Variants in CNPY1 observed in about 807,000 individuals in gnomAD.
CNPY1 encodes the protein canopy FGF signaling regulator 1.
CNPY1 carries 14 observed loss-of-function variants against 14.4 expected under a neutral mutation model. The observed-to-expected ratio is 0.97, with a 90% CI of 0.64 to 1.52. The LOEUF (loss-of-function observed/expected upper bound fraction) is 1.52, where lower values mean the gene tolerates loss of function less well. Ranked by LOEUF, CNPY1 falls within the 40% of genes most tolerant of loss-of-function variation. CNPY1 has a pLI of 0.00. For synonymous variants in CNPY1, 43 were observed against 46.5 expected, an observed-to-expected ratio of 0.92 and a Z score of 0.31; for missense variants, 129 against 131.5, an observed-to-expected ratio of 0.98 and a Z score of 0.09.
chr7:155,533,879 C>T (rs1413521187), intron 2 of CNPY1: 1 of 152,204 alleles, frequency 6.6e-6, no homozygotes, highest in Non-Finnish European at 1.5e-5. Context: ...AATCTCTTTC[C>T]CTTTTAATTT....
At chr7:155,504,635 C>T (rs566275209) in intron 4 of CNPY1, among the ~76,000 whole-genome samples, 4 of 151,708 alleles carry the variant, frequency 2.6e-5, no homozygotes, top group African/African-American at 9.7e-5. Flanking sequence ...GAGCGTTGCA[C>T]GTAGTATACA....
At chr7:155,543,916 G>A (rs889955) in intron 2 of CNPY1, among the ~76,000 whole-genome samples, 110,139 of 152,160 alleles carry the variant, frequency 0.72, 40,023 homozygotes, top group Middle Eastern at 0.81. Context: ...GCTGCTTTCA[G>A]TTGCTTTGCA....
rs750783721 is a variant in CNPY1 at position 155,527,608 on chromosome 7, A to ATT, written c.99+18221_99+18222dup. On this transcript the variant is annotated intron_variant, in intron 2 of 4. Transcript: ENST00000636446. ...AAGTACACGCCACCACACCCTGCTA[A>ATT]TTTTTTTTTTTTTTTGTATTTTTTG... Among the ~76,000 whole-genome samples the ATT allele has an allele frequency of 7.0e-3, 949 of 135,718 alleles. 9 individuals carry two copies. The highest frequency in any genetic ancestry group is 0.024 in the African/African-American group (886 of 36,822). 89.0% of individuals were successfully genotyped at this position (135,718 alleles called of 152,430 possible).
intron 2 of CNPY1, among the ~76,000 whole-genome samples, chr7:155,525,646 C>T (rs929112998): frequency 6.6e-6 from 1 of 152,228 alleles, no homozygotes; most frequent in Non-Finnish European, 1.5e-5. Context: ...CCCAACAGGG[C>T]TTAGTGTACT....
chr7:155,531,214 G>A (rs555247976), intron 2 of CNPY1, among the ~76,000 whole-genome samples: 102 of 152,250 alleles, frequency 6.7e-4, no homozygotes, highest in South Asian at 3.7e-3. Flanking sequence ...TGCTGCAAAC[G>A]GTGTGACCAC....
At chr7:155,503,184 A>G in intron 4 of CNPY1, 79 bp from the exon 5 acceptor site, 2 of 1,138,974 alleles carry the variant, frequency 1.8e-6, no homozygotes, top group Non-Finnish European at 2.5e-6. Flanking sequence ...TTATGCAAAA[A>G]CTATGTTCTG....
At chr7:155,540,391 A>T (rs1278086759) in intron 2 of CNPY1, among the ~76,000 whole-genome samples, 2 of 152,256 alleles carry the variant, frequency 1.3e-5, no homozygotes, top group Non-Finnish European at 2.9e-5. Flanking sequence ...AAATTAAATT[A>T]ATACTAATTT....
rs918502732 is a variant in CNPY1, at chr7:155,502,784, T to C, written c.*284A>G. ...TGTTTATGAAATGTCTTCGCTTTTT[T>C]CCTCAATACAGAATTAAATCCTCTA... On this transcript the variant is annotated 3_prime_UTR_variant, in exon 5 of 5. Coordinates refer to ENST00000636446, the MANE Select transcript of CNPY1 (RefSeq NM_001393663.1). The C allele has an allele frequency of 1.7e-5, 7 of 420,490 alleles. No individual in the cohort carries two copies. The highest frequency in any genetic ancestry group is 1.4e-4 in the African/African-American group (7 of 50,046). 26.0% of individuals were successfully genotyped at this position (420,490 alleles called of 1,614,324 possible).
intron 2 of CNPY1, among the ~76,000 whole-genome samples, chr7:155,509,997 C>T (rs987769531): frequency 1.3e-5 from 2 of 152,158 alleles, no homozygotes; most frequent in African/African-American, 4.8e-5. Flanking sequence ...GGCGCCGGAC[C>T]GCGCCGCAGC....
rs1200831255 is a variant in CNPY1, at chr7:155,514,685, G to A, written c.100-5588C>T. ...CGAGATGGGTGGATCACCTGAGGTTGGGAGTTCAAGACCAGCCTGACCAAC... is the reference window on the plus strand; with the variant it reads ...CGAGATGGGTGGATCACCTGAGGTTAGGAGTTCAAGACCAGCCTGACCAAC... On this transcript the variant is annotated intron_variant, in intron 2 of 4. Transcript: ENST00000636446. 2.0e-5 allele frequency among the ~76,000 whole-genome samples: 3 copies of A among 152,082 alleles called. No individual in the cohort carries two copies. In the South Asian group the frequency reaches 6.2e-4, roughly 31 times the overall value.
chr7:155,515,742 C>T (rs1025291728), intron 2 of CNPY1, among the ~76,000 whole-genome samples: 8 of 152,146 alleles, frequency 5.3e-5, no homozygotes, highest in African/African-American at 1.9e-4. Flanking sequence ...TGAGGCTTCT[C>T]TGCAGCAGGG....
intron 4 of CNPY1, chr7:155,506,751 C>G: frequency 2.6e-6 from 1 of 388,230 alleles, no homozygotes; most frequent in South Asian, 2.8e-5. Context: ...CAAGAATTTT[C>G]TCCTTAACTG....
chr7:155,542,965 G>T (rs914322626), intron 2 of CNPY1, among the ~76,000 whole-genome samples: 3 of 151,846 alleles, frequency 2.0e-5, no homozygotes, highest in Middle Eastern at 3.4e-3. Context: ...CACTGGGTCC[G>T]CACAGTGCCG....
intron 2 of CNPY1, among the ~76,000 whole-genome samples, chr7:155,534,293 A>C (rs116153775): frequency 1.3e-5 from 2 of 151,976 alleles, no homozygotes; most frequent in African/African-American, 4.8e-5. Flanking sequence ...ACACACACAC[A>C]CTCACACGTG....
At chr7:155,541,926 T>C (rs970985414) in intron 2 of CNPY1, among the ~76,000 whole-genome samples, 12 of 151,950 alleles carry the variant, frequency 7.9e-5, no homozygotes, top group African/African-American at 2.2e-4. Flanking sequence ...TTGCTGGGAT[T>C]CTCCCAGGGC....
chr7:155,537,907 A>G (rs1797042125), intron 2 of CNPY1, among the ~76,000 whole-genome samples: 1 of 152,210 alleles, frequency 6.6e-6, no homozygotes, highest in Non-Finnish European at 1.5e-5. Context: ...TATTATAGAA[A>G]AAATTTTAAC....
intron 2 of CNPY1, among the ~76,000 whole-genome samples, chr7:155,524,945 C>T (rs1796793167): frequency 6.6e-6 from 1 of 152,088 alleles, no homozygotes; most frequent in Admixed American, 6.5e-5. Context: ...TAGGTGGTGG[C>T]TAGCACAACC....
At position 155,504,689 on chromosome 7, in the gene CNPY1, A is replaced by AACACACACACACACAC. The variant is rs61377945; in HGVS notation, c.401-1600_401-1585dup. 7.0e-4 allele frequency among the ~76,000 whole-genome samples: 102 copies of AACACACACACACACAC among 145,284 alleles called. 1 individual carries two copies. Among genetic ancestry groups the AACACACACACACACAC allele is most frequent in the African/African-American group, 2.4e-3 (93 of 39,040 alleles). ...CTTAATGTGCAGTTTCATACCCCCC[A>AACACACACACACACAC]ACACACACACACACACACACACACA... On this transcript the variant is annotated intron_variant, in intron 4 of 4. Coordinates refer to ENST00000636446, the MANE Select transcript of CNPY1 (RefSeq NM_001393663.1).
rs574142817 is a variant in CNPY1, at chr7:155,501,889, T to C, written c.*1179A>G. On this transcript the variant is annotated 3_prime_UTR_variant, in exon 5 of 5. Coordinates refer to ENST00000636446, the MANE Select transcript of CNPY1 (RefSeq NM_001393663.1). ...CCTTCCCCTTAGCTTTGGTAAATTTTCCTAAATTTAAGAATTGTTTCCTGC... is the reference window on the plus strand; with the variant it reads ...CCTTCCCCTTAGCTTTGGTAAATTTCCCTAAATTTAAGAATTGTTTCCTGC... 1.2e-4 allele frequency: 18 copies of C among 151,180 alleles called. No individual in the cohort carries two copies. The highest frequency in any genetic ancestry group is 4.1e-4 in the African/African-American group (17 of 41,150). The allele number at this position is 151,180 out of a possible 1,614,324, so 9.4% of individuals were successfully genotyped here.
Sources: allele counts gnomAD v4.1 joint callset (sites outside exome capture counted in the v4.1 genomes callset), GRCh38; gene constraint gnomAD v4.1.1; transcripts MANE v1.5; gene names NCBI Gene and HGNC (gene_info 2026-07-23, HGNC 2026-07-21).